The following AUTS2 variants were observed in gnomAD, a reference collection of about 807,000 sequenced individuals.
AUTS2 encodes autism susceptibility gene 2 protein.
Under a neutral mutation model 112.4 loss-of-function variants are expected in AUTS2, and 17 were observed. The ratio of observed to expected loss-of-function variants is 0.15; its 90% confidence interval spans 0.10 to 0.23. The LOEUF (loss-of-function observed/expected upper bound fraction) is 0.23. Among genes scored for constraint, AUTS2 ranks in the 10% least tolerant of loss-of-function variants. The pLI is 1.00. For missense variants in AUTS2, 1,510 were observed against 1,701.6 expected (o/e 0.89, Z 1.98); for synonymous variants, 751 against 702.7 (o/e 1.07, Z -1.09).
chr7:69,677,133 T>TA (rs1562803903), intron 1 of AUTS2, among the ~76,000 whole-genome samples: 2 of 152,156 alleles, frequency 1.3e-5, no homozygotes, highest in African/African-American at 4.8e-5. Context: ...TCAGAGCTGA[T>TA]AGAGTTTAGA....
intron 1 of AUTS2, among the ~76,000 whole-genome samples, chr7:69,766,626 T>C (rs547671276): frequency 6.6e-6 from 1 of 152,160 alleles, no homozygotes; most frequent in Non-Finnish European, 1.5e-5. Flanking sequence ...GTAAGTGAAG[T>C]TCTCAGTCAG....
intron 5 of AUTS2, among the ~76,000 whole-genome samples, chr7:70,672,856 C>T (rs1807717168): frequency 6.6e-6 from 1 of 152,194 alleles, no homozygotes; most frequent in Non-Finnish European, 1.5e-5. Context: ...CTGCCTCGGC[C>T]TCCCAAAGTG....
rs1791043900 is a variant in AUTS2 at position 70,781,179 on chromosome 7, G to A, written c.2005-436G>A. 2.0e-5 allele frequency among the ~76,000 whole-genome samples: 3 copies of A among 151,938 alleles called. No individual in the cohort carries two copies. The South Asian group carries it at 6.3e-4, about 32-fold the overall frequency. On this transcript the variant is annotated intron_variant, in intron 14 of 18. Coordinates refer to ENST00000342771, the MANE Select transcript of AUTS2 (RefSeq NM_015570.4). ...AGTTTGAGACCAGCCTGGCCAACAT[G>A]GTGAAACCCCATATCGACAAAAAAT...
In AUTS2 at chr7:70,381,106, A is replaced by G. The variant is rs188272400; in HGVS notation, c.661-54646A>G. On this transcript the variant is annotated intron_variant, in intron 4 of 18. Transcript: ENST00000342771. ...CCAACACTTTTGGTTGAATTAGTCT[A>G]TTACCTGGGGAAAACACTGAAATAG... is the stretch of plus-strand genomic sequence containing the variant. Among the ~76,000 whole-genome samples, 10 of 152,324 alleles carry G rather than the reference A, an allele frequency of 6.6e-5. 1 individual carries two copies. The South Asian group carries it at 1.2e-3, about 19-fold the overall frequency.
At chr7:70,578,653 AT>A (rs1326537183) in intron 5 of AUTS2, among the ~76,000 whole-genome samples, 1 of 152,030 alleles carries the variant, frequency 6.6e-6, no homozygotes, top group Non-Finnish European at 1.5e-5. Context: ...CCTCTTCATT[AT>A]TTTTCCCAAC....
intron 1 of AUTS2, among the ~76,000 whole-genome samples, chr7:69,754,373 C>A (rs1329598508): frequency 6.6e-6 from 1 of 152,136 alleles, no homozygotes; most frequent in Non-Finnish European, 1.5e-5. Context: ...TGTCAAAGGC[C>A]TTTTCTGTCT....
chr7:70,781,807 G>C (rs767916462), intron 15 of AUTS2, 51 bp downstream of exon 15: 1 of 1,586,490 alleles, frequency 6.3e-7, no homozygotes, highest in South Asian at 1.1e-5. Flanking sequence ...TAGTTCTCAG[G>C]TAACTAAATA....
intron 5 of AUTS2, among the ~76,000 whole-genome samples, chr7:70,474,174 A>G (rs1258784241): frequency 6.6e-6 from 1 of 152,244 alleles, no homozygotes; most frequent in Non-Finnish European, 1.5e-5. Flanking sequence ...AGGTTGGAGC[A>G]TTTAAATAAG....
At chr7:70,680,776 C>A (rs1808168053) in intron 5 of AUTS2, among the ~76,000 whole-genome samples, 1 of 152,170 alleles carries the variant, frequency 6.6e-6, no homozygotes, top group Non-Finnish European at 1.5e-5. Flanking sequence ...TACCAGCCAA[C>A]AACTGTATTT....
intron 5 of AUTS2, among the ~76,000 whole-genome samples, chr7:70,657,808 G>A (rs1806852375): frequency 6.6e-6 from 1 of 152,152 alleles, no homozygotes; most frequent in Non-Finnish European, 1.5e-5. Flanking sequence ...TTGACCACGT[G>A]TGAACAAGTA....
chr7:70,539,678 C>T (rs1301545561), intron 5 of AUTS2, among the ~76,000 whole-genome samples: 2 of 152,050 alleles, frequency 1.3e-5, no homozygotes, highest in Middle Eastern at 3.2e-3. Flanking sequence ...TGAGCTGAAC[C>T]GTGATTTCTC....
intron 1 of AUTS2, among the ~76,000 whole-genome samples, chr7:69,747,163 G>T (rs557844783): frequency 5.3e-4 from 81 of 152,342 alleles, no homozygotes; most frequent in African/African-American, 1.8e-3. Flanking sequence ...CAGGGCCCAA[G>T]AATTTGCATT....
chr7:70,483,433 A>G (rs751896741), intron 5 of AUTS2, among the ~76,000 whole-genome samples: 1 of 152,170 alleles, frequency 6.6e-6, no homozygotes, highest in Non-Finnish European at 1.5e-5. Context: ...GGGACTGCAA[A>G]TGCCCATGAC....
chr7:70,221,688 G>A (rs771091061), intron 4 of AUTS2, among the ~76,000 whole-genome samples: 1 of 152,178 alleles, frequency 6.6e-6, no homozygotes, highest in African/African-American at 2.4e-5. Flanking sequence ...GGAGTTTGAG[G>A]CCAGCTTGGC....
At chr7:70,017,158 A>C (rs1215158549) in intron 2 of AUTS2, among the ~76,000 whole-genome samples, 1 of 152,212 alleles carries the variant, frequency 6.6e-6, no homozygotes, top group African/African-American at 2.4e-5. Flanking sequence ...CATCACTTGT[A>C]ACATTACCAA....
chr7:69,720,301 C>G (rs926937043), intron 1 of AUTS2, among the ~76,000 whole-genome samples: 1 of 152,050 alleles, frequency 6.6e-6, no homozygotes, highest in African/African-American at 2.4e-5. Context: ...ATAAATCAAC[C>G]CTTGAGGGTT....
chr7:70,752,682 C>T (rs931446900), intron 6 of AUTS2, among the ~76,000 whole-genome samples: 6 of 152,242 alleles, frequency 3.9e-5, no homozygotes, highest in South Asian at 2.1e-4. Flanking sequence ...GTTTTTCCCC[C>T]GTATGAAGTG....
intron 5 of AUTS2, among the ~76,000 whole-genome samples, chr7:70,661,669 C>G (rs536304907): frequency 6.6e-6 from 1 of 152,012 alleles, no homozygotes; most frequent in South Asian, 2.1e-4. Context: ...ATCTGTAGAT[C>G]TGTAGATCGA....
intron 4 of AUTS2, among the ~76,000 whole-genome samples, chr7:70,382,634 T>G (rs1793422521): frequency 6.6e-6 from 1 of 152,190 alleles, no homozygotes; most frequent in South Asian, 2.1e-4. Context: ...CCACTCTGCC[T>G]TTGCCCATTG....
Sources: gnomAD v4.1 joint callset for allele counts (sites outside exome capture counted in the v4.1 genomes callset) on GRCh38, gnomAD v4.1.1 for gene constraint, MANE v1.5 for transcripts, NCBI Gene and HGNC (gene_info 2026-07-23, HGNC 2026-07-21) for gene names.